ATRNL1: variants seen among roughly 807,000 people sequenced by gnomAD.
The protein encoded by ATRNL1 is attractin like 1, also known as attractin-like protein 1.
In ATRNL1, 95 loss-of-function variants were observed where a neutral mutation model predicts 182.7. The observed-to-expected ratio is 0.52, with a 90% CI of 0.44 to 0.62. The LOEUF (loss-of-function observed/expected upper bound fraction) is 0.62, where lower values mean the gene tolerates loss of function less well. ATRNL1 is among the 20% of genes least tolerant of loss of function. The probability of loss-of-function intolerance (pLI) is 0.00; values close to 1 mark genes in which losing one functional copy is unlikely to be tolerated. For synonymous variants in ATRNL1, 576 were observed against 568.3 expected (o/e 1.01, Z -0.19); for missense variants, 1,471 against 1,679.5 (o/e 0.88, Z 2.17).
chr10:115,328,053 T>A lies in ATRNL1; in HGVS notation c.3038-6229T>A, dbSNP rs938584654. On this transcript the variant is annotated intron_variant, in intron 18 of 28. Coordinates refer to ENST00000355044, the MANE Select transcript of ATRNL1 (RefSeq NM_207303.4). Reference sequence around the variant, plus strand: ...TATACATATGTAACTAACCTGCACATTGTGCACATGTACCCTAAAACTTAA... The same window carrying A: ...TATACATATGTAACTAACCTGCACAATGTGCACATGTACCCTAAAACTTAA... Among the ~76,000 whole-genome samples, 5 of 151,920 alleles carry A rather than the reference T, an allele frequency of 3.3e-5. No individual in the cohort carries two copies. The East Asian group carries it at 5.8e-4, about 18-fold the overall frequency.
intron 28 of ATRNL1, among the ~76,000 whole-genome samples, chr10:115,859,145 C>T (rs1951252833): frequency 6.6e-6 from 1 of 151,928 alleles, no homozygotes; most frequent in Admixed American, 6.6e-5. Flanking sequence ...ATTAGTCCTC[C>T]CCAAAAACCC....
intron 24 of ATRNL1, among the ~76,000 whole-genome samples, chr10:115,503,464 A>T (rs908804307): frequency 6.6e-6 from 1 of 152,102 alleles, no homozygotes; most frequent in Admixed American, 6.6e-5. Flanking sequence ...CACCCTTAAA[A>T]GGGGAGAGAA....
chr10:115,144,680 A>G (rs1170271782), intron 5 of ATRNL1, among the ~76,000 whole-genome samples: 1 of 152,214 alleles, frequency 6.6e-6, no homozygotes, highest in Non-Finnish European at 1.5e-5. Flanking sequence ...TTATCTTGGG[A>G]AAGTCAATTA....
chr10:115,238,991 TTTTC>T (rs1456577724), intron 9 of ATRNL1, among the ~76,000 whole-genome samples: 2 of 152,210 alleles, frequency 1.3e-5, no homozygotes, highest in Non-Finnish European at 2.9e-5. Context: ...GATCATATGA[TTTTC>T]TTTGTTAGCT....
At chr10:115,378,495 C>G (rs1857802393) in intron 19 of ATRNL1, among the ~76,000 whole-genome samples, 1 of 152,188 alleles carries the variant, frequency 6.6e-6, no homozygotes, top group Admixed American at 6.5e-5. Context: ...ATAAGAGATA[C>G]TGGGACCAAG....
chr10:115,756,423 C>T (rs1948592082), intron 27 of ATRNL1, among the ~76,000 whole-genome samples: 1 of 152,132 alleles, frequency 6.6e-6, no homozygotes, highest in Non-Finnish European at 1.5e-5. Context: ...CATTACTTAT[C>T]CACTAGTCAT....
At chr10:115,156,363 A>C (rs1380930528) in intron 5 of ATRNL1, among the ~76,000 whole-genome samples, 1 of 152,140 alleles carries the variant, frequency 6.6e-6, no homozygotes, top group African/African-American at 2.4e-5. Context: ...AACACTGCTG[A>C]AGGAATTGGT....
chr10:115,459,834 T>TGATG (rs1361640600), intron 21 of ATRNL1, among the ~76,000 whole-genome samples: 1 of 152,126 alleles, frequency 6.6e-6, no homozygotes, highest in Non-Finnish European at 1.5e-5. Flanking sequence ...TACCAACGTG[T>TGATG]GATGTCTCCC....
At chr10:115,110,119 A>G (rs2143520625) in intron 1 of ATRNL1, among the ~76,000 whole-genome samples, 1 of 152,314 alleles carries the variant, frequency 6.6e-6, no homozygotes, top group African/African-American at 2.4e-5. Flanking sequence ...TTATCAAAGC[A>G]TATTATAATT....
chr10:115,825,858 C>G (rs1379120406), intron 27 of ATRNL1, among the ~76,000 whole-genome samples: 1 of 152,130 alleles, frequency 6.6e-6, no homozygotes, highest in Non-Finnish European at 1.5e-5. Context: ...TGTATCGTTG[C>G]ATTGTGACCT....
chr10:115,381,823 T>G (rs1858030126), intron 19 of ATRNL1, among the ~76,000 whole-genome samples: 4 of 152,098 alleles, frequency 2.6e-5, no homozygotes, highest in African/African-American at 9.7e-5. Context: ...AGCTTTATAA[T>G]TTTAACTCTT....
At chr10:115,935,507 C>A (rs782079683) in intron 28 of ATRNL1, among the ~76,000 whole-genome samples, 4 of 151,994 alleles carry the variant, frequency 2.6e-5, no homozygotes, top group Admixed American at 6.6e-5. Flanking sequence ...ACATTTGCAC[C>A]AAAGTAGCGG....
In ATRNL1 at chr10:115,914,443, A is replaced by G. The variant is rs187229205; in HGVS notation, c.4019-30215A>G. ...AAGAGCAGGGATTTGGGGGTATGGA[A>G]TAGGCCACCAATTGAGTCAAGGCAG... On this transcript the variant is annotated intron_variant, in intron 28 of 28. Coordinates refer to ENST00000355044, the MANE Select transcript of ATRNL1 (RefSeq NM_207303.4). Among the ~76,000 whole-genome samples, 121 of 152,312 alleles carry G rather than the reference A, an allele frequency of 7.9e-4. 1 individual carries two copies. The highest frequency in any genetic ancestry group is 2.6e-3 in the African/African-American group (107 of 41,578).
chr10:115,266,069 T>A (rs1213079329), intron 11 of ATRNL1, among the ~76,000 whole-genome samples: 1 of 151,872 alleles, frequency 6.6e-6, no homozygotes, highest in African/African-American at 2.4e-5. Context: ...CAGGGTTCTC[T>A]GGTTGATTTT....
chr10:115,204,615 A>G (rs1564818909), intron 8 of ATRNL1, among the ~76,000 whole-genome samples: 2 of 151,890 alleles, frequency 1.3e-5, no homozygotes, highest in Non-Finnish European at 1.5e-5. Context: ...TTAACCCATC[A>G]TTGCTTCTTT....
At chr10:115,700,166 T>G (rs543940607) in intron 26 of ATRNL1, among the ~76,000 whole-genome samples, 1 of 152,230 alleles carries the variant, frequency 6.6e-6, no homozygotes, top group Non-Finnish European at 1.5e-5. Flanking sequence ...TGTGTGCCTT[T>G]TTTGGTTAAA....
At chr10:115,366,607 C>G (rs1378594151) in intron 19 of ATRNL1, among the ~76,000 whole-genome samples, 1 of 149,276 alleles carries the variant, frequency 6.7e-6, no homozygotes, top group Non-Finnish European at 1.5e-5. Context: ...CAGTTTCTTC[C>G]TAGTCTCGAT....
chr10:115,511,505 A>G (rs1471263887), intron 24 of ATRNL1, among the ~76,000 whole-genome samples: 1 of 151,582 alleles, frequency 6.6e-6, no homozygotes, highest in African/African-American at 2.4e-5. Flanking sequence ...TTTATATTAC[A>G]TTTTCCTTTT....
chr10:115,552,451 GTTAC>G (rs1169845550), intron 26 of ATRNL1, among the ~76,000 whole-genome samples: 3 of 151,256 alleles, frequency 2.0e-5, no homozygotes, highest in African/African-American at 4.8e-5. Flanking sequence ...GTAAATGAAA[GTTAC>G]TTAAAGGATT....
Sources: gnomAD v4.1 joint callset for allele counts (sites outside exome capture counted in the v4.1 genomes callset) on GRCh38, gnomAD v4.1.1 for gene constraint, MANE v1.5 for transcripts, NCBI Gene and HGNC (gene_info 2026-07-23, HGNC 2026-07-21) for gene names.